Variants in CARS1 observed in about 807,000 individuals in gnomAD.
The protein encoded by CARS1 is cysteinyl-tRNA synthetase 1.
A neutral mutation model predicts 106.2 loss-of-function variants in CARS1; 48 were observed. The ratio of observed to expected loss-of-function variants is 0.45; its 90% CI spans 0.36 to 0.57. The LOEUF (loss-of-function observed/expected upper bound fraction) is 0.57. Ranked by LOEUF, CARS1 falls within the 20% of genes least tolerant of loss-of-function variation. CARS1 has a pLI of 0.00. For missense variants in CARS1, 968 were observed against 1,057.2 expected (o/e 0.92, Z 1.17); for synonymous variants, 409 against 403.4 (o/e 1.01, Z -0.17).
intron 12 of CARS1, 143 bp downstream of exon 12, chr11:3,018,996 G>T: frequency 9.2e-7 from 1 of 1,085,578 alleles, no homozygotes; most frequent in Non-Finnish European, 1.3e-6. Context: ...AAATGATCAG[G>T]GTTCAGATTC....
rs7121792 is a variant in CARS1, at chr11:3,041,983, C to G, written c.366+182G>C. Among the ~76,000 whole-genome samples, 1 of 152,182 alleles carries G rather than the reference C, an allele frequency of 6.6e-6. No homozygotes were observed. The highest frequency in any genetic ancestry group is 1.5e-5 in the Non-Finnish European group (1 of 68,038). ...CGTGTCTGGGTTTCAGAGGACAGCT[C>G]TGCCTCTGGGCCACAGAGACTATAA... On this transcript the variant is annotated intron_variant, in intron 3 of 22. Transcript: ENST00000380525. The surrounding 1 kb of genome is among the most constrained non-coding windows in gnomAD (Gnocchi z 4.9).
chr11:3,028,927 A>T lies in CARS1; in HGVS notation c.1031+69T>A. 10 of 1,070,606 alleles carry T rather than the reference A, an allele frequency of 9.3e-6. No homozygotes were observed. The highest frequency in any genetic ancestry group is 1.4e-5 in the Non-Finnish European group (10 of 690,112). The allele number at this position is 1,070,606 out of a possible 1,614,324, so 66.3% of individuals were successfully genotyped here. On this transcript the variant is annotated intron_variant, in intron 9 of 22. Transcript: ENST00000380525. This position sits in a 1 kb window ranked among gnomAD's most constrained non-coding sequence, Gnocchi z 4.4. ...CTCTGCTTCCCAAACTCAGGCTCAG[A>T]GCTGGGGAGCTCCTCCCTGTGCGAT...
Position 3,045,785 on chromosome 11 carries a change from G to C in CARS1, c.274+1968C>G, listed in dbSNP as rs374671872. Among the ~76,000 whole-genome samples the C allele has an allele frequency of 6.6e-6, 1 of 152,218 alleles. No individual in the cohort carries two copies. The highest frequency in any genetic ancestry group is 2.4e-5 in the African/African-American group (1 of 41,446). On this transcript the variant is annotated intron_variant, in intron 2 of 22. Transcript: ENST00000380525. The surrounding 1 kb of genome is among the most constrained non-coding windows in gnomAD (Gnocchi z 5.6). ...GGGGAGTATGAGCCATGGAAAGAGA[G>C]GGCGTTCCCACTCAGTGGGGGAAGC...
At chr11:3,006,805 G>A in intron 19 of CARS1, 74 bp downstream of exon 19, 1 of 1,177,950 alleles carries the variant, frequency 8.5e-7, no homozygotes, top group Non-Finnish European at 1.3e-6. Context: ...CCTCAGCCCA[G>A]CCCCGGGAGC....
chr11:3,021,420 G>A lies in CARS1; in HGVS notation c.1154-1088C>T, dbSNP rs1851561314. On this transcript the variant is annotated intron_variant, in intron 10 of 22. Transcript: ENST00000380525. This position sits in a 1 kb window ranked among gnomAD's most constrained non-coding sequence, Gnocchi z 5.3. ...GGAGGAAGAACAGACTCCATCTAGG[G>A]TTCTAACTCAGGTGACCCTGAAGAA... Among the ~76,000 whole-genome samples the A allele has an allele frequency of 6.6e-6, 1 of 152,156 alleles. No individual in the cohort carries two copies. Among genetic ancestry groups the A allele is most frequent in the Non-Finnish European group, 1.5e-5 (1 of 68,036 alleles).
intron 7 of CARS1, among the ~76,000 whole-genome samples, chr11:3,032,160 C>T (rs1382708911): frequency 1.3e-5 from 2 of 150,906 alleles, no homozygotes; most frequent in African/African-American, 4.9e-5. Context: ...GCAACCTCCG[C>T]CTCCCGGGTT....
chr11:3,042,363 T>C lies in CARS1; in HGVS notation c.275-107A>G, dbSNP rs1018900296. 2.3e-5 allele frequency: 17 copies of C among 725,592 alleles called. No individual in the cohort carries two copies. In the South Asian group the frequency reaches 2.7e-4, roughly 12 times the overall value. The allele number at this position is 725,592 out of a possible 1,614,324, so 44.9% of individuals were successfully genotyped here. A position where few individuals can be genotyped will look rare whatever the true frequency, so the allele number is the denominator to read the frequency against. ...TTTACAACGGGACCATAGTTTTCCA[T>C]GAAATTTAAACAATGTGAAACCACA... is the stretch of plus-strand genomic sequence containing the variant. On this transcript the variant is annotated intron_variant, in intron 2 of 22. Coordinates refer to ENST00000380525, the MANE Select transcript of CARS1 (RefSeq NM_001014437.3).
At position 3,052,126 on chromosome 11, in the gene CARS1, C is replaced by T. The variant is rs896001183; in HGVS notation, c.26-4125G>A. 3.3e-5 allele frequency among the ~76,000 whole-genome samples: 5 copies of T among 152,242 alleles called. No individual in the cohort carries two copies. The highest frequency in any genetic ancestry group is 1.2e-4 in the African/African-American group (5 of 41,470). On this transcript the variant is annotated intron_variant, in intron 1 of 22. Transcript: ENST00000380525. The surrounding 1 kb of genome is among the most constrained non-coding windows in gnomAD (Gnocchi z 4.6). ...ATGAGAAAAACATCAAATGTCCTAACGGCGGCTGCAGTGGCTTTTGAGCGC... is the reference window on the plus strand; with the variant it reads ...ATGAGAAAAACATCAAATGTCCTAATGGCGGCTGCAGTGGCTTTTGAGCGC...
In CARS1 at chr11:3,006,953, T is replaced by C. The variant is rs1849930612; in HGVS notation, c.2075A>G (p.Glu692Gly). 1 of 1,613,796 alleles carries C rather than the reference T, an allele frequency of 6.2e-7. No homozygotes were observed. The highest frequency in any genetic ancestry group is 2.2e-5 in the East Asian group (1 of 44,866). Residue 692 changes from glutamate to glycine, a missense_variant, in exon 19 of 23, where the codon GAG becomes GGG. By Grantham distance (98) the Glu-to-Gly change is moderately conservative. Coordinates refer to ENST00000380525, the MANE Select transcript of CARS1 (RefSeq NM_001014437.3). ...CAGGGCATCGCTGAGCTGCAGAATC[T>C]CAGGGACTGTAGGAGAAGCAGAGCA... is the stretch of plus-strand genomic sequence containing the variant. ...RKIAREQKVPEILQLSDALRD... is the reference protein window; with the variant it reads ...RKIAREQKVPGILQLSDALRD...
At position 3,030,940 on chromosome 11, in the gene CARS1, A is replaced by C. The variant is rs1742720774; in HGVS notation, c.802-1497T>G. On this transcript the variant is annotated intron_variant, in intron 7 of 22. Coordinates refer to ENST00000380525, the MANE Select transcript of CARS1 (RefSeq NM_001014437.3). This position sits in a 1 kb window ranked among gnomAD's most constrained non-coding sequence, Gnocchi z 5.7. ...GTGAACAGGAAGACAGAACTGAAGA[A>C]GTCATCCAAAATGAAACAGAGACAA... The C allele has an allele frequency of 6.6e-6, 1 of 152,262 alleles. No individual in the cohort carries two copies. Among genetic ancestry groups the C allele is most frequent in the African/African-American group, 2.4e-5 (1 of 41,468 alleles). 9.4% of individuals were successfully genotyped at this position (152,262 alleles called of 1,614,324 possible). A position where few individuals can be genotyped will look rare whatever the true frequency, so the allele number is the denominator to read the frequency against.
Position 3,040,054 on chromosome 11 carries a change from G to T in CARS1, c.456-123C>A, listed in dbSNP as rs1854227984. ...GATTTTCTCTGCCATCCCTGAAACAGCAAGACCCCCCCTTCTCCTCCTCAG... is the reference window on the plus strand; with the variant it reads ...GATTTTCTCTGCCATCCCTGAAACATCAAGACCCCCCCTTCTCCTCCTCAG... On this transcript the variant is annotated intron_variant, in intron 4 of 22. Coordinates refer to ENST00000380525, the MANE Select transcript of CARS1 (RefSeq NM_001014437.3). The surrounding 1 kb of genome is among the most constrained non-coding windows in gnomAD (Gnocchi z 5.8). The T allele has an allele frequency of 2.1e-5, 12 of 573,296 alleles. No individual in the cohort carries two copies. Among genetic ancestry groups the T allele is most frequent in the Non-Finnish European group, 3.7e-5 (12 of 328,562 alleles). 35.5% of individuals were successfully genotyped at this position (573,296 alleles called of 1,614,324 possible).
chr11:3,017,076 A>AG lies in CARS1; in HGVS notation c.1917+29dup. 1 of 1,592,358 alleles carries AG rather than the reference A, an allele frequency of 6.3e-7. No individual in the cohort carries two copies. The highest frequency in any genetic ancestry group is 8.6e-7 in the Non-Finnish European group (1 of 1,163,818). On this transcript the variant is annotated intron_variant, in intron 16 of 22. Coordinates refer to ENST00000380525, the MANE Select transcript of CARS1 (RefSeq NM_001014437.3). This position sits in a 1 kb window ranked among gnomAD's most constrained non-coding sequence, Gnocchi z 4.9. ...CTGGCTCCTGTGTCCACACAGGCTG[A>AG]GGGATACGCCTGCCTGGGGCCTGGC...
chr11:3,012,448 A>G (rs1348920741), intron 17 of CARS1, among the ~76,000 whole-genome samples, 172 bp from the exon 18 acceptor site: 1 of 152,218 alleles, frequency 6.6e-6, no homozygotes, highest in Admixed American at 6.5e-5. Flanking sequence ...TCCCTGACAC[A>G]CAGTCCCTGC....
rs1855923241 is a variant in CARS1, at chr11:3,053,849, T to A, written c.25+3494A>T. On this transcript the variant is annotated intron_variant, in intron 1 of 22. Transcript: ENST00000380525. This position sits in a 1 kb window ranked among gnomAD's most constrained non-coding sequence, Gnocchi z 6.6. ...CTGCACCCCTCACTCACCCTGACCCTTTGCCCTCTGACCCTGCTACTTCAA... is the reference window on the plus strand; with the variant it reads ...CTGCACCCCTCACTCACCCTGACCCATTGCCCTCTGACCCTGCTACTTCAA... 6.6e-6 allele frequency among the ~76,000 whole-genome samples: 1 copy of A among 152,086 alleles called. No individual in the cohort carries two copies. The highest frequency in any genetic ancestry group is 6.5e-5 in the Admixed American group (1 of 15,282).
rs1208337033 is a variant in CARS1 at position 3,042,370 on chromosome 11, T to C, written c.275-114A>G. On this transcript the variant is annotated intron_variant, in intron 2 of 22. Coordinates refer to ENST00000380525, the MANE Select transcript of CARS1 (RefSeq NM_001014437.3). ...CGGGACCATAGTTTTCCATGAAATT[T>C]AAACAATGTGAAACCACACGAATCT... 1.4e-5 allele frequency: 10 copies of C among 691,826 alleles called. No homozygotes were observed. The East Asian group carries it at 2.4e-4, about 17-fold the overall frequency. The allele number at this position is 691,826 out of a possible 1,614,324, so 42.9% of individuals were successfully genotyped here.
chr11:3,010,007 A>G (rs1006308206), intron 18 of CARS1, among the ~76,000 whole-genome samples: 1 of 152,244 alleles, frequency 6.6e-6, no homozygotes, highest in African/African-American at 2.4e-5. Flanking sequence ...CACAAGGCAC[A>G]TATGGGATGA....
rs1259681725 is a variant in CARS1 at position 3,040,576 on chromosome 11, C to T, written c.455+320G>A. The T allele has an allele frequency of 1.7e-5, 9 of 522,904 alleles. No homozygotes were observed. Among genetic ancestry groups the T allele is most frequent in the African/African-American group, 1.9e-5 (1 of 52,776 alleles). 32.4% of individuals were successfully genotyped at this position (522,904 alleles called of 1,614,324 possible). On this transcript the variant is annotated intron_variant, in intron 4 of 22. Transcript: ENST00000380525. The surrounding 1 kb of genome is among the most constrained non-coding windows in gnomAD (Gnocchi z 5.8). The stretch of plus-strand genomic sequence containing the variant: ...GGGAACTCAGCATCTGGGGACCCCA[C>T]GAGAGCTTGAGGGATGAGAGAAAAC...
intron 18 of CARS1, among the ~76,000 whole-genome samples, chr11:3,011,276 TA>T (rs1850425005): frequency 6.6e-6 from 1 of 152,184 alleles, no homozygotes; most frequent in Admixed American, 6.5e-5. Context: ...CAGCACTTTC[TA>T]AGTCTTAAAC....
chr11:3,054,745 G>A, intron 1 of CARS1: 2 of 629,080 alleles, frequency 3.2e-6, no homozygotes, highest in Non-Finnish European at 5.7e-6. Flanking sequence ...GTTCCCCCAA[G>A]GGTGGCAGGA....
Sources: allele counts gnomAD v4.1 joint callset (sites outside exome capture counted in the v4.1 genomes callset), GRCh38; gene constraint gnomAD v4.1.1; non-coding constraint Gnocchi (gnomAD v3.1); transcripts MANE v1.5; gene names NCBI Gene and HGNC (gene_info 2026-07-23, HGNC 2026-07-21).